The following IRAK3 variants were observed in gnomAD, a reference collection of about 807,000 sequenced individuals.
IRAK3 encodes interleukin-1 receptor-associated kinase 3.
Under a neutral mutation model 56.6 loss-of-function variants are expected in IRAK3, and 57 were observed. The observed-to-expected ratio is 1.01, with a 90% CI of 0.81 to 1.26. IRAK3 has a LOEUF of 1.26. IRAK3 is among the 50% of genes most tolerant of loss of function. The probability of loss-of-function intolerance (pLI) is 0.00; values close to 1 mark genes in which losing one functional copy is unlikely to be tolerated. For synonymous variants in IRAK3, 258 were observed against 255.7 expected (o/e 1.01, Z -0.09); for missense variants, 703 against 719.0 (o/e 0.98, Z 0.25).
chr12:66,191,884 C>T (rs1014094324), intron 1 of IRAK3, among the ~76,000 whole-genome samples: 4 of 152,176 alleles, frequency 2.6e-5, no homozygotes, highest in Non-Finnish European at 5.9e-5. Context: ...AAAGCTCTCT[C>T]GAGCCGATCG....
At position 66,251,031 on chromosome 12, in the gene IRAK3, T is replaced by C. The variant is rs538129630; in HGVS notation, c.*2860T>C. ...GGTATGTTTTTTGAGAAAAGGATCC[T>C]TTCTTTTCATTCTGTTATATTCATC... On this transcript the variant is annotated 3_prime_UTR_variant, in exon 12 of 12. Transcript: ENST00000261233. 6.6e-6 allele frequency: 1 copy of C among 152,370 alleles called. No individual in the cohort carries two copies. Among genetic ancestry groups the C allele is most frequent in the South Asian group, 2.1e-4 (1 of 4,828 alleles). The allele number at this position is 152,370 out of a possible 1,614,324, so 9.4% of individuals were successfully genotyped here. A position where few individuals can be genotyped will look rare whatever the true frequency, so the allele number is the denominator to read the frequency against.
At chr12:66,193,940 G>A (rs1370979093) in intron 1 of IRAK3, among the ~76,000 whole-genome samples, 2 of 152,158 alleles carry the variant, frequency 1.3e-5, no homozygotes, top group Non-Finnish European at 2.9e-5. Context: ...TGCTGTTGTT[G>A]TTTTGGAGAC....
At chr12:66,240,623 T>C (rs2052958104) in intron 8 of IRAK3, among the ~76,000 whole-genome samples, 1 of 151,938 alleles carries the variant, frequency 6.6e-6, no homozygotes, top group Non-Finnish European at 1.5e-5. Flanking sequence ...ACAGCCGTAA[T>C]ACAGACAGCA....
At chr12:66,217,110 G>T (rs1283548618) in intron 5 of IRAK3, 61 bp from the exon 6 acceptor site, 3 of 1,244,712 alleles carry the variant, frequency 2.4e-6, no homozygotes, top group Non-Finnish European at 3.6e-6. Flanking sequence ...TAGACCCTGG[G>T]TTAAGAATCC....
intron 8 of IRAK3, among the ~76,000 whole-genome samples, chr12:66,236,022 C>A (rs971573776): frequency 2.0e-5 from 3 of 152,162 alleles, no homozygotes; most frequent in African/African-American, 7.2e-5. Flanking sequence ...AAATCCTTAT[C>A]AGTTCAATCA....
intron 1 of IRAK3, among the ~76,000 whole-genome samples, chr12:66,199,813 A>G (rs2052489891): frequency 6.6e-6 from 1 of 152,248 alleles, no homozygotes; most frequent in Admixed American, 6.5e-5. Flanking sequence ...AGATTACCTC[A>G]TCAGAAAGAA....
At chr12:66,241,928 G>A (rs138151021) in intron 8 of IRAK3, among the ~76,000 whole-genome samples, 240 of 152,234 alleles carry the variant, frequency 1.6e-3, no homozygotes, top group African/African-American at 5.1e-3. Context: ...TAGATTGAAG[G>A]TTTTGTTGTT....
At chr12:66,223,386 GCGGTGGCTCA>G (rs1161123156) in intron 6 of IRAK3, among the ~76,000 whole-genome samples, 1 of 151,918 alleles carries the variant, frequency 6.6e-6, no homozygotes, top group Non-Finnish European at 1.5e-5. Context: ...GAGGCCAGGC[GCGGTGGCTCA>G]CGCCTGTAAT....
intron 1 of IRAK3, among the ~76,000 whole-genome samples, chr12:66,201,508 A>G (rs1473904251): frequency 6.6e-6 from 1 of 152,200 alleles, no homozygotes; most frequent in Non-Finnish European, 1.5e-5. Context: ...TTAGTGCTCA[A>G]TATTCCAGAT....
At chr12:66,207,424 A>T (rs776421265) in intron 2 of IRAK3, among the ~76,000 whole-genome samples, 53 of 151,904 alleles carry the variant, frequency 3.5e-4, no homozygotes, top group Non-Finnish European at 6.3e-4. Context: ...GTGATCTGAG[A>T]TTGCACCACT....
At position 66,252,282 on chromosome 12, in the gene IRAK3, T is replaced by A. The variant is rs1416502947; in HGVS notation, c.*4111T>A. On this transcript the variant is annotated 3_prime_UTR_variant, in exon 12 of 12. Coordinates refer to ENST00000261233, the MANE Select transcript of IRAK3 (RefSeq NM_007199.3). ...AGTCCTCCCATCAGGTCCTTCCAGA[T>A]CTGGAGGAGCCAGGATTTGAACTCA... 1 of 152,206 alleles carries A rather than the reference T, an allele frequency of 6.6e-6. No individual in the cohort carries two copies. The highest frequency in any genetic ancestry group is 2.1e-4 in the South Asian group (1 of 4,836). 9.4% of individuals were successfully genotyped at this position (152,206 alleles called of 1,614,324 possible).
intron 5 of IRAK3, among the ~76,000 whole-genome samples, chr12:66,214,808 A>C (rs931160616): frequency 4.9e-4 from 75 of 152,318 alleles, no homozygotes; most frequent in African/African-American, 1.7e-3. Context: ...GGTGGTTCAC[A>C]TGTGTAGCCA....
intron 1 of IRAK3, among the ~76,000 whole-genome samples, chr12:66,194,703 C>T (rs1332298759): frequency 6.6e-6 from 1 of 151,890 alleles, no homozygotes; most frequent in Admixed American, 6.6e-5. Context: ...GTGGCAGGTG[C>T]CTGTAATCTC....
intron 5 of IRAK3, among the ~76,000 whole-genome samples, chr12:66,214,664 CTA>C (rs2052649910): frequency 2.6e-5 from 4 of 152,120 alleles, no homozygotes; most frequent in African/African-American, 9.6e-5. Flanking sequence ...CCAACCCTGA[CTA>C]TATATTAGAA....
chr12:66,246,886 C>G (rs938120922), intron 11 of IRAK3, among the ~76,000 whole-genome samples: 2 of 152,170 alleles, frequency 1.3e-5, no homozygotes, highest in Non-Finnish European at 2.9e-5. Context: ...TTCTAACATA[C>G]AGATTCCTGG....
rs902418832 is a variant in IRAK3 at position 66,250,431 on chromosome 12, A to G, written c.*2260A>G. On this transcript the variant is annotated 3_prime_UTR_variant, in exon 12 of 12. Transcript: ENST00000261233. Reference sequence around the variant, plus strand: ...CCAAGGTCAGAAACATGGAGTTACAATTTTCCAAAAAAGCACGAAGTGAGA... The same window carrying G: ...CCAAGGTCAGAAACATGGAGTTACAGTTTTCCAAAAAAGCACGAAGTGAGA... The G allele has an allele frequency of 3.9e-5, 6 of 152,216 alleles. No individual in the cohort carries two copies. Among genetic ancestry groups the G allele is most frequent in the African/African-American group, 1.4e-4 (6 of 41,458 alleles). The allele number at this position is 152,216 out of a possible 1,614,324, so 9.4% of individuals were successfully genotyped here.
At chr12:66,230,635 C>T (rs1231088006) in intron 8 of IRAK3, among the ~76,000 whole-genome samples, 1 of 151,514 alleles carries the variant, frequency 6.6e-6, no homozygotes. Context: ...GAACCAGAGC[C>T]TCCCTGGAAC....
In IRAK3 at chr12:66,247,884, A is replaced by G. The variant is rs766817443; in HGVS notation, c.1504A>G (p.Thr502Ala). ...TGAAGGCCTGAGGATAGACAGAATG[A>G]CTCAGAAAACTCCTTTTGAATGCAG... ...SDEGLRIDRM[T>A]QKTPFECSQS... The change falls in exon 12 of 12, where the codon ACT becomes GCT. Residue 502 changes from threonine (T) to alanine (A), a missense_variant. Transcript: ENST00000261233. 1.9e-6 allele frequency: 3 copies of G among 1,614,202 alleles called. No homozygotes were observed. The South Asian group carries it at 3.3e-5, about 18-fold the overall frequency.
At position 66,194,565 on chromosome 12, in the gene IRAK3, C is replaced by T. The variant is rs186983055; in HGVS notation, c.133+5133C>T. Among the ~76,000 whole-genome samples the T allele has an allele frequency of 2.8e-3, 428 of 152,266 alleles. 2 individuals are homozygous for T. The highest frequency in any genetic ancestry group is 9.6e-3 in the African/African-American group (399 of 41,540). ...TGCCCCTGCCGGACGCGGTGGTTCA[C>T]GCCGGTAATCCCAGCACTTTGGGAG... On this transcript the variant is annotated intron_variant, in intron 1 of 11. Transcript: ENST00000261233.
Sources: allele counts gnomAD v4.1 joint callset (sites outside exome capture counted in the v4.1 genomes callset), GRCh38; gene constraint gnomAD v4.1.1; transcripts MANE v1.5; gene names NCBI Gene and HGNC (gene_info 2026-07-23, HGNC 2026-07-21).